GRB10: variants seen among roughly 807,000 people sequenced by gnomAD.
The protein encoded by GRB10 is growth factor receptor-bound protein 10.
A neutral mutation model predicts 80.9 loss-of-function variants in GRB10; 20 were observed. The ratio of observed to expected loss-of-function variants is 0.25; its 90% CI spans 0.17 to 0.36. GRB10 has a LOEUF of 0.36. Ranked by LOEUF, GRB10 falls within the 10% of genes least tolerant of loss-of-function variation. GRB10 has a pLI of 1.00. For missense variants in GRB10, 548 were observed against 747.7 expected (o/e 0.73, Z 3.12); for synonymous variants, 291 against 291.5 (o/e 1.00, Z 0.02).
At chr7:50,751,193 A>G (rs2074051056) in intron 3 of GRB10, among the ~76,000 whole-genome samples, 1 of 152,178 alleles carries the variant, frequency 6.6e-6, no homozygotes, top group Non-Finnish European at 1.5e-5. Context: ...ACCCACAGCC[A>G]TGTCCAAACC....
At chr7:50,721,268 G>A (rs1345437001) in intron 4 of GRB10, among the ~76,000 whole-genome samples, 1 of 152,164 alleles carries the variant, frequency 6.6e-6, no homozygotes, top group East Asian at 1.9e-4. Flanking sequence ...ACACTGTGTG[G>A]AGGAGAGTGA....
intron 4 of GRB10, among the ~76,000 whole-genome samples, chr7:50,721,304 T>G (rs150156784): frequency 5.9e-4 from 90 of 152,340 alleles, no homozygotes; most frequent in African/African-American, 2.0e-3. Flanking sequence ...ACCCGCTTTG[T>G]CCTGCCCAGG....
chr7:50,732,214 GCCCTGGCC>G, intron 4 of GRB10, 50 bp downstream of exon 4: 2 of 1,530,996 alleles, frequency 1.3e-6, no homozygotes, highest in Non-Finnish European at 1.8e-6. Flanking sequence ...CGACATGTGT[GCCCTGGCC>G]CTCGACCAGC....
At chr7:50,640,577 T>C (rs957719282) in intron 7 of GRB10, among the ~76,000 whole-genome samples, 4 of 152,220 alleles carry the variant, frequency 2.6e-5, no homozygotes, top group Non-Finnish European at 5.9e-5. Context: ...TTATGCATTT[T>C]CCCTTGAGTC....
At chr7:50,682,929 A>C (rs556667733) in intron 5 of GRB10, among the ~76,000 whole-genome samples, 2 of 152,336 alleles carry the variant, frequency 1.3e-5, no homozygotes, top group South Asian at 2.1e-4. Context: ...AAGAAATACA[A>C]ATTTGTTTTT....
intron 7 of GRB10, among the ~76,000 whole-genome samples, chr7:50,659,330 A>G (rs755983262): frequency 1.3e-5 from 2 of 152,194 alleles, no homozygotes; most frequent in African/African-American, 2.4e-5. Context: ...AAACGTGAAG[A>G]GATCTCAGTC....
At chr7:50,654,351 A>T (rs1274981158) in intron 7 of GRB10, among the ~76,000 whole-genome samples, 1 of 152,168 alleles carries the variant, frequency 6.6e-6, no homozygotes, top group African/African-American at 2.4e-5. Flanking sequence ...GATGGCAATA[A>T]ATATTCTCCT....
In GRB10 at chr7:50,616,155, G is replaced by C. The variant is rs1329345680; in HGVS notation, c.984+55C>G. 12 of 1,602,490 alleles carry C rather than the reference G, an allele frequency of 7.5e-6. No individual in the cohort carries two copies. The African/African-American group carries it at 9.7e-5, about 13-fold the overall frequency. ...AAGCCCAGGTTCACTCTGAGGACCT[G>C]GGGGGAGTGACTGTGGCAGAATTAG... is the stretch of plus-strand genomic sequence containing the variant. On this transcript the variant is annotated intron_variant, in intron 11 of 18. Coordinates refer to ENST00000401949, the MANE Select transcript of GRB10 (RefSeq NM_001350814.2).
chr7:50,686,041 C>T (rs1349770782), intron 5 of GRB10, among the ~76,000 whole-genome samples: 1 of 152,150 alleles, frequency 6.6e-6, no homozygotes, highest in Non-Finnish European at 1.5e-5. Context: ...CATTCTGATT[C>T]CCAGTCTCCG....
At position 50,746,707 on chromosome 7, in the gene GRB10, C is replaced by A. The variant is rs2072972658; in HGVS notation, c.-47+9180G>T. The stretch of plus-strand genomic sequence containing the variant: ...TACTGCCCTAAACCTCCCATCCCCA[C>A]CCTTTTCAGTGCAGCATCCCCAAAC... On this transcript the variant is annotated intron_variant, in intron 3 of 18. Coordinates refer to ENST00000401949, the MANE Select transcript of GRB10 (RefSeq NM_001350814.2). 2.6e-5 allele frequency among the ~76,000 whole-genome samples: 4 copies of A among 152,178 alleles called. No individual in the cohort carries two copies. In the South Asian group the frequency reaches 8.3e-4, roughly 31 times the overall value.
At chr7:50,687,950 C>T (rs774665578) in intron 5 of GRB10, among the ~76,000 whole-genome samples, 4 of 152,236 alleles carry the variant, frequency 2.6e-5, no homozygotes, top group East Asian at 1.9e-4. Flanking sequence ...AAGTATTCCT[C>T]GTCTGTTCTG....
intron 1 of GRB10, among the ~76,000 whole-genome samples, chr7:50,788,765 G>T (rs1222376735): frequency 6.6e-6 from 1 of 152,174 alleles, no homozygotes. Context: ...CATCCCAGGG[G>T]CACATCAGCC....
At chr7:50,599,552 G>A (rs567113452) in intron 17 of GRB10, among the ~76,000 whole-genome samples, 4 of 152,314 alleles carry the variant, frequency 2.6e-5, no homozygotes, top group East Asian at 1.9e-4. Flanking sequence ...TGTGGTTAGC[G>A]CTCCAGCAGC....
At chr7:50,617,911 C>T in intron 10 of GRB10, 160 bp downstream of exon 10, 1 of 711,042 alleles carries the variant, frequency 1.4e-6, no homozygotes, top group South Asian at 1.5e-5. Context: ...TTTCTGGTTA[C>T]TCTAAACCCT....
chr7:50,726,561 T>G (rs1356411248), intron 4 of GRB10, among the ~76,000 whole-genome samples: 2 of 152,198 alleles, frequency 1.3e-5, no homozygotes, highest in Non-Finnish European at 2.9e-5. Flanking sequence ...ATATACATAT[T>G]TATGTATTTT....
chr7:50,783,760 T>G (rs966615374), upstream of GRB10, among the ~76,000 whole-genome samples: 1 of 152,200 alleles, frequency 6.6e-6, no homozygotes, highest in African/African-American at 2.4e-5. Context: ...CAATGGATTC[T>G]GAAACTGAGA....
At chr7:50,756,238 G>C (rs1409473766) in intron 2 of GRB10, among the ~76,000 whole-genome samples, 182 bp from the exon 3 acceptor site, 1 of 152,214 alleles carries the variant, frequency 6.6e-6, no homozygotes, top group Non-Finnish European at 1.5e-5. Context: ...TAGGTTTCTA[G>C]TTGTCACATG....
chr7:50,763,857 C>T (rs2076046040), intron 2 of GRB10, among the ~76,000 whole-genome samples: 1 of 152,254 alleles, frequency 6.6e-6, no homozygotes, highest in Admixed American at 6.5e-5. Flanking sequence ...AGCATCCTCA[C>T]TGCTTCCCAC....
At chr7:50,732,483 A>T in intron 3 of GRB10, 115 bp from the exon 4 acceptor site, 1 of 686,122 alleles carries the variant, frequency 1.5e-6, no homozygotes, top group Non-Finnish European at 2.6e-6. Context: ...CTTAGCTTGT[A>T]GGTTCAGTAA....
Sources: allele counts gnomAD v4.1 joint callset (sites outside exome capture counted in the v4.1 genomes callset), GRCh38; gene constraint gnomAD v4.1.1; transcripts MANE v1.5; gene names NCBI Gene and HGNC (gene_info 2026-07-23, HGNC 2026-07-21).